The following CSMD1 variants were observed in gnomAD, a reference collection of about 807,000 sequenced individuals.
CSMD1 encodes the protein CUB and sushi domain-containing protein 1.
Under a neutral mutation model 417.5 loss-of-function variants are expected in CSMD1, and 213 were observed. The observed-to-expected ratio is 0.51, with a 90% CI of 0.46 to 0.57. CSMD1 has a LOEUF of 0.57. CSMD1 is among the 20% of genes least tolerant of loss of function. The probability of loss-of-function intolerance (pLI) is 0.00; values close to 1 mark genes in which losing one functional copy is unlikely to be tolerated. For synonymous variants in CSMD1, 2,862 were observed against 1,736.8 expected (o/e 1.65, Z -16.11); for missense variants, 6,923 against 4,529.7 (o/e 1.53, Z -15.17).
intron 3 of CSMD1, among the ~76,000 whole-genome samples, chr8:4,142,987 G>A (rs1319356173): frequency 3.2e-5 from 4 of 125,886 alleles, no homozygotes; most frequent in African/African-American, 8.0e-5. Context: ...TTTTCAAACT[G>A]ATTGAAAAAA....
chr8:3,903,186 C>T, intron 5 of CSMD1, among the ~76,000 whole-genome samples: 1 of 152,068 alleles, frequency 6.6e-6, no homozygotes, highest in Non-Finnish European at 1.5e-5. Flanking sequence ...ATTAAGTGTT[C>T]TTCTTACCCT....
intron 5 of CSMD1, among the ~76,000 whole-genome samples, chr8:3,797,277 T>G (rs974942737): frequency 5.9e-5 from 9 of 152,070 alleles, no homozygotes; most frequent in African/African-American, 2.2e-4. Context: ...AAAATTGAGG[T>G]AAAATATACT....
chr8:3,155,893 G>C (rs189827437), intron 39 of CSMD1, among the ~76,000 whole-genome samples: 10 of 152,124 alleles, frequency 6.6e-5, no homozygotes, highest in Non-Finnish European at 1.3e-4. Context: ...TACAGGTTTC[G>C]TGCAGTTTTA....
chr8:4,189,756 T>C (rs574985824), intron 3 of CSMD1, among the ~76,000 whole-genome samples: 1 of 152,286 alleles, frequency 6.6e-6, no homozygotes, highest in Non-Finnish European at 1.5e-5. Flanking sequence ...CTTGATAAAT[T>C]ATGAAGATTA....
chr8:4,587,063 T>G (rs375732723), intron 2 of CSMD1, among the ~76,000 whole-genome samples: 6 of 152,336 alleles, frequency 3.9e-5, no homozygotes, highest in African/African-American at 7.2e-5. Context: ...TTTTAATCCA[T>G]GAAACATTGC....
intron 3 of CSMD1, among the ~76,000 whole-genome samples, chr8:4,288,426 A>C (rs891499449): frequency 1.9e-4 from 29 of 152,212 alleles, no homozygotes; most frequent in African/African-American, 6.8e-4. Context: ...ACACAAACTC[A>C]GGAAATTCAA....
At chr8:3,555,399 C>G (rs1211001458) in intron 10 of CSMD1, among the ~76,000 whole-genome samples, 1 of 152,072 alleles carries the variant, frequency 6.6e-6, no homozygotes, top group Non-Finnish European at 1.5e-5. Context: ...AGAATTTAGC[C>G]AAATCATCCC....
intron 10 of CSMD1, among the ~76,000 whole-genome samples, chr8:3,517,475 G>A (rs747564459): frequency 3.9e-5 from 6 of 152,142 alleles, no homozygotes; most frequent in Non-Finnish European, 8.8e-5. Flanking sequence ...AAATTTGCAG[G>A]TAAAGATAGT....
chr8:3,587,486 T>C lies in CSMD1; in HGVS notation c.1098-1226A>G, dbSNP rs945081310. The stretch of plus-strand genomic sequence containing the variant: ...TGTCAGTGTGGATGGATGAAGTTAA[T>C]CATAGAGACAAGATAGGGGAAACAT... On this transcript the variant is annotated intron_variant, in intron 8 of 69. Transcript: ENST00000635120. 4.6e-5 allele frequency among the ~76,000 whole-genome samples: 7 copies of C among 151,470 alleles called. 1 individual carries two copies. The highest frequency in any genetic ancestry group is 3.3e-4 in the Admixed American group (5 of 15,140).
chr8:4,525,286 A>G (rs980012739), intron 2 of CSMD1, among the ~76,000 whole-genome samples: 1 of 152,134 alleles, frequency 6.6e-6, no homozygotes, highest in Non-Finnish European at 1.5e-5. Flanking sequence ...ACTCTGTAGT[A>G]TGGTCTGTAG....
intron 3 of CSMD1, among the ~76,000 whole-genome samples, chr8:4,273,897 G>T (rs1804757633): frequency 6.6e-6 from 1 of 152,186 alleles, no homozygotes; most frequent in Non-Finnish European, 1.5e-5. Flanking sequence ...TTCAGTAAGT[G>T]TTGACTCTCA....
At chr8:3,701,476 G>A (rs1339365397) in intron 7 of CSMD1, among the ~76,000 whole-genome samples, 2 of 150,894 alleles carry the variant, frequency 1.3e-5, no homozygotes, top group Non-Finnish European at 2.9e-5. Flanking sequence ...CTGACATGAG[G>A]GCAAAAGACT....
chr8:3,590,583 A>G (rs1037842353), intron 8 of CSMD1, among the ~76,000 whole-genome samples: 69 of 152,318 alleles, frequency 4.5e-4, no homozygotes, highest in African/African-American at 1.6e-3. Context: ...TATAGAACAC[A>G]TTCCATAATT....
intron 1 of CSMD1, among the ~76,000 whole-genome samples, chr8:4,790,994 G>C (rs1356424191): frequency 6.6e-6 from 1 of 152,084 alleles, no homozygotes; most frequent in Admixed American, 6.6e-5. Context: ...GACCTAATTA[G>C]ACTAAAAAGT....
At chr8:4,290,138 G>A (rs1314188268) in intron 3 of CSMD1, among the ~76,000 whole-genome samples, 3 of 152,192 alleles carry the variant, frequency 2.0e-5, no homozygotes, top group African/African-American at 7.2e-5. Context: ...CAGGCAGGGA[G>A]TGGTGAGGAA....
intron 1 of CSMD1, among the ~76,000 whole-genome samples, chr8:4,735,168 C>G (rs1416407687): frequency 6.6e-6 from 1 of 152,176 alleles, no homozygotes; most frequent in African/African-American, 2.4e-5. Flanking sequence ...AATGCTCCCT[C>G]ACCAATGAGG....
At chr8:4,550,942 C>G (rs1022483146) in intron 2 of CSMD1, among the ~76,000 whole-genome samples, 1 of 152,156 alleles carries the variant, frequency 6.6e-6, no homozygotes, top group African/African-American at 2.4e-5. Flanking sequence ...GAGTATCTGA[C>G]TATGAGCATT....
At chr8:4,934,735 TAAA>T (rs1807484098) in intron 1 of CSMD1, among the ~76,000 whole-genome samples, 1 of 152,196 alleles carries the variant, frequency 6.6e-6, no homozygotes, top group Admixed American at 6.5e-5. Context: ...TATATATCTA[TAAA>T]CTATCTATAT....
chr8:3,141,100 A>C (rs1178267714), intron 41 of CSMD1, among the ~76,000 whole-genome samples: 1 of 152,194 alleles, frequency 6.6e-6, no homozygotes, highest in Non-Finnish European at 1.5e-5. Flanking sequence ...AGAGGGACAT[A>C]GTGACAAATG....
Sources: allele counts gnomAD v4.1 joint callset (sites outside exome capture counted in the v4.1 genomes callset), GRCh38; gene constraint gnomAD v4.1.1; transcripts MANE v1.5; gene names NCBI Gene and HGNC (gene_info 2026-07-23, HGNC 2026-07-21).